Variants in NTRK2 observed in about 807,000 individuals in gnomAD.
NTRK2 encodes the protein neurotrophic receptor tyrosine kinase 2.
A neutral mutation model predicts 94.5 loss-of-function variants in NTRK2; 13 were observed. The observed-to-expected ratio is 0.14, with a 90% confidence interval of 0.09 to 0.22. NTRK2 has a LOEUF of 0.22. NTRK2 is among the 10% of genes least tolerant of loss of function. The pLI, the probability that NTRK2 is intolerant of heterozygous loss-of-function variation, is 1.00. For synonymous variants in NTRK2, 372 were observed against 407.4 expected, an observed-to-expected ratio of 0.91 and a Z score of 1.05; for missense variants, 639 against 1,071.2, an observed-to-expected ratio of 0.60 and a Z score of 5.63.
intron 12 of NTRK2, among the ~76,000 whole-genome samples, chr9:84,765,534 G>T (rs1274150252): frequency 6.6e-6 from 1 of 152,102 alleles, no homozygotes; most frequent in Non-Finnish European, 1.5e-5. Flanking sequence ...TTGCCTGAGG[G>T]TTACCTGGTT....
intron 12 of NTRK2, among the ~76,000 whole-genome samples, chr9:84,843,062 C>T (rs2074271056): frequency 6.6e-6 from 1 of 152,196 alleles, no homozygotes; most frequent in African/African-American, 2.4e-5. Context: ...CCTCAGTTCC[C>T]TCCTGTAGGA....
At chr9:84,976,951 A>G (rs977294457) in intron 17 of NTRK2, among the ~76,000 whole-genome samples, 1 of 152,232 alleles carries the variant, frequency 6.6e-6, no homozygotes, top group Non-Finnish European at 1.5e-5. Flanking sequence ...GTATATGTAG[A>G]TATAGACATA....
At chr9:84,856,669 TTGGAGG>T (rs1213073757) in intron 12 of NTRK2, among the ~76,000 whole-genome samples, 1 of 152,162 alleles carries the variant, frequency 6.6e-6, no homozygotes, top group Non-Finnish European at 1.5e-5. Context: ...GCCTAAGAAG[TTGGAGG>T]TGAAGTCCAT....
At chr9:84,794,800 C>T (rs112857149) in intron 12 of NTRK2, among the ~76,000 whole-genome samples, 4,029 of 152,206 alleles carry the variant, frequency 0.026, 83 homozygotes, top group Admixed American at 0.042. Flanking sequence ...GAATTTTTTT[C>T]TCCATGTCTT....
At chr9:84,810,510 A>C (rs1163276474) in intron 12 of NTRK2, 1 of 1,596,334 alleles carries the variant, frequency 6.3e-7, no homozygotes. Context: ...TCTTTTGAGC[A>C]TGACTTATGT....
chr9:84,925,730 G>A (rs543870758), intron 14 of NTRK2, among the ~76,000 whole-genome samples: 28 of 152,264 alleles, frequency 1.8e-4, no homozygotes, highest in African/African-American at 6.5e-4. Flanking sequence ...CCTCAGCTCT[G>A]TACCAGCCTC....
intron 12 of NTRK2, among the ~76,000 whole-genome samples, chr9:84,820,169 CT>C (rs902886137): frequency 0.079 from 10,461 of 132,378 alleles, 494 homozygotes; most frequent in African/African-American, 0.16. Flanking sequence ...TTCTTTCTTT[CT>C]TTTTTTTTTT....
At chr9:84,750,809 A>T (rs540478401) in intron 11 of NTRK2, among the ~76,000 whole-genome samples, 2 of 152,300 alleles carry the variant, frequency 1.3e-5, no homozygotes, top group South Asian at 2.1e-4. Flanking sequence ...CTGGAAGGAG[A>T]CACATAGTGC....
chr9:84,824,051 G>A (rs113892889), intron 12 of NTRK2, among the ~76,000 whole-genome samples: 5,002 of 152,226 alleles, frequency 0.033, 147 homozygotes, highest in Admixed American at 0.084. Flanking sequence ...TTGTGGAGGT[G>A]GTTTCAGCCA....
At chr9:84,809,247 T>G (rs1272231487) in intron 12 of NTRK2, among the ~76,000 whole-genome samples, 1 of 152,088 alleles carries the variant, frequency 6.6e-6, no homozygotes, top group Non-Finnish European at 1.5e-5. Flanking sequence ...GCAAATTATT[T>G]ACTCATCTTT....
At position 84,814,943 on chromosome 9, in the gene NTRK2, C is replaced by A. The variant is rs1184254731; in HGVS notation, c.1397-46097C>A. On this transcript the variant is annotated intron_variant, in intron 12 of 18. Coordinates refer to ENST00000277120, the MANE Select transcript of NTRK2 (RefSeq NM_006180.6). ...TGCTATGTTCACATGCCTGTAGTAC[C>A]TGCAAACCATGCCAGGTTCATCTAA... 1.7e-5 allele frequency: 18 copies of A among 1,059,918 alleles called. No individual in the cohort carries two copies. The East Asian group carries it at 8.8e-4, about 52-fold the overall frequency. The allele number at this position is 1,059,918 out of a possible 1,614,324, so 65.7% of individuals were successfully genotyped here.
chr9:84,857,266 G>T (rs1587701410), intron 12 of NTRK2, among the ~76,000 whole-genome samples: 1 of 152,112 alleles, frequency 6.6e-6, no homozygotes, highest in Admixed American at 6.6e-5. Flanking sequence ...ATAATTTAGA[G>T]TCTTTCTTGG....
intron 14 of NTRK2, among the ~76,000 whole-genome samples, chr9:84,933,813 A>G (rs1359863409): frequency 6.6e-6 from 1 of 152,240 alleles, no homozygotes; most frequent in Non-Finnish European, 1.5e-5. Context: ...CTGCTAACAA[A>G]TATATGCAAA....
intron 14 of NTRK2, chr9:84,872,592 A>C: frequency 1.9e-6 from 2 of 1,064,456 alleles, no homozygotes; most frequent in Non-Finnish European, 2.3e-6. Context: ...GAGGCATGTA[A>C]AGTATTCTGA....
intron 13 of NTRK2, among the ~76,000 whole-genome samples, chr9:84,864,743 T>C (rs1037880661): frequency 5.3e-5 from 7 of 133,222 alleles, no homozygotes; most frequent in Non-Finnish European, 9.2e-5. Flanking sequence ...TTTCTTTTTT[T>C]TTTTTTTTTT....
intron 17 of NTRK2, among the ~76,000 whole-genome samples, chr9:85,001,992 T>C (rs1565447): frequency 0.73 from 111,127 of 152,052 alleles, 41,256 homozygotes; most frequent in African/African-American, 0.82. Context: ...ATCTGAATAT[T>C]CAAACAGTTA....
chr9:84,742,482 C>T lies in NTRK2; in HGVS notation c.1195+555C>T, dbSNP rs151216330. 5.8e-4 allele frequency among the ~76,000 whole-genome samples: 89 copies of T among 152,220 alleles called. 1 individual carries two copies. Among genetic ancestry groups the T allele is most frequent in the Admixed American group, 1.0e-3 (16 of 15,288 alleles). Reference sequence around the variant, plus strand: ...CCCTTGTGGTTACAAGAGAATGTGGCGGGGGAGCTGCTGCCATTCACAAGG... The same window carrying T: ...CCCTTGTGGTTACAAGAGAATGTGGTGGGGGAGCTGCTGCCATTCACAAGG... On this transcript the variant is annotated intron_variant, in intron 10 of 18. Transcript: ENST00000277120.
intron 14 of NTRK2, among the ~76,000 whole-genome samples, chr9:84,919,222 T>C (rs2077488247): frequency 6.6e-6 from 1 of 152,210 alleles, no homozygotes; most frequent in Non-Finnish European, 1.5e-5. Context: ...TTAGACCCTT[T>C]TGTGTCTATA....
At chr9:84,825,681 C>A (rs2073142045) in intron 12 of NTRK2, among the ~76,000 whole-genome samples, 1 of 152,188 alleles carries the variant, frequency 6.6e-6, no homozygotes, top group Non-Finnish European at 1.5e-5. Context: ...ACCTATCTTC[C>A]CACCCTCCTA....
Sources: allele counts gnomAD v4.1 joint callset (sites outside exome capture counted in the v4.1 genomes callset), GRCh38; gene constraint gnomAD v4.1.1; transcripts MANE v1.5; gene names NCBI Gene and HGNC (gene_info 2026-07-23, HGNC 2026-07-21).